Variants in CREB5 observed in about 807,000 individuals in gnomAD.
CREB5 encodes cAMP responsive element binding protein 5.
A neutral mutation model predicts 57.1 loss-of-function variants in CREB5; 19 were observed. The ratio of observed to expected loss-of-function variants is 0.33; its 90% CI spans 0.23 to 0.49. The LOEUF (loss-of-function observed/expected upper bound fraction) is 0.49, where lower values mean the gene tolerates loss of function less well. Among genes scored for constraint, CREB5 ranks in the 20% least tolerant of loss-of-function variants. The pLI, the probability that CREB5 is intolerant of heterozygous loss-of-function variation, is 0.99. For missense variants in CREB5, 579 were observed against 671.6 expected (o/e 0.86, Z 1.52); for synonymous variants, 238 against 238.3 (o/e 1.00, Z 0.01).
intron 7 of CREB5, among the ~76,000 whole-genome samples, chr7:28,737,023 G>A (rs1562606025): frequency 6.6e-6 from 1 of 151,848 alleles, no homozygotes; most frequent in Non-Finnish European, 1.5e-5. Context: ...CCAGACCTGT[G>A]GAGCAAATGC....
chr7:28,311,398 A>C (rs1317190355), intron 1 of CREB5, among the ~76,000 whole-genome samples: 1 of 152,192 alleles, frequency 6.6e-6, no homozygotes, highest in Non-Finnish European at 1.5e-5. Flanking sequence ...ACCAATGGGA[A>C]CTGAGCAGTT....
rs1261524506 is a variant in CREB5, at chr7:28,430,862, G to C, written c.3+17945G>C. 5.3e-5 allele frequency among the ~76,000 whole-genome samples: 8 copies of C among 152,306 alleles called. No individual in the cohort carries two copies. In the East Asian group the frequency reaches 7.7e-4, roughly 15 times the overall value. The stretch of plus-strand genomic sequence containing the variant: ...TCTGCTCTGGATCTGTCACAAGGCA[G>C]TGATCAAGATACCTGCCAGGGCTGT... On this transcript the variant is annotated intron_variant, in intron 1 of 10. Coordinates refer to ENST00000357727, the MANE Select transcript of CREB5 (RefSeq NM_182898.4).
At chr7:28,557,895 G>T (rs912994279) in intron 4 of CREB5, among the ~76,000 whole-genome samples, 3 of 151,998 alleles carry the variant, frequency 2.0e-5, no homozygotes, top group Admixed American at 6.6e-5. Context: ...AGCACCTTAC[G>T]GGAACTGTGA....
chr7:28,484,117 T>C (rs1197238406), intron 1 of CREB5, among the ~76,000 whole-genome samples: 1 of 152,090 alleles, frequency 6.6e-6, no homozygotes, highest in Admixed American at 6.6e-5. Context: ...CATTAAAAAA[T>C]CCAAGCCAGT....
intron 4 of CREB5, among the ~76,000 whole-genome samples, chr7:28,551,901 CTT>C (rs780773273): frequency 2.7e-4 from 32 of 119,076 alleles, no homozygotes; most frequent in Non-Finnish European, 4.0e-4. Context: ...CTTTCTTTCT[CTT>C]TTCTTTTCTT....
At position 28,330,071 on chromosome 7, in the gene CREB5, G is replaced by A. The variant is rs113098602; in HGVS notation, c.-25+30630G>A. Among the ~76,000 whole-genome samples, 1,185 of 152,298 alleles carry A rather than the reference G, an allele frequency of 7.8e-3. 18 individuals carry two copies. Among genetic ancestry groups the A allele is most frequent in the African/African-American group, 0.027 (1,131 of 41,540 alleles). ...TGCAAGGTTAGGTCCCCTGAAGGGCGAGCGTGGCCCAAGATGCCCTTGCTT... is the reference window on the plus strand; with the variant it reads ...TGCAAGGTTAGGTCCCCTGAAGGGCAAGCGTGGCCCAAGATGCCCTTGCTT... On this transcript the variant is annotated intron_variant, in intron 1 of 9. Coordinates refer to the CREB5 transcript ENST00000396299.
At chr7:28,677,344 T>C (rs1453590378) in intron 5 of CREB5, among the ~76,000 whole-genome samples, 1 of 152,172 alleles carries the variant, frequency 6.6e-6, no homozygotes, top group Non-Finnish European at 1.5e-5. Context: ...GGCCCCACCT[T>C]GACCTATATA....
intron 7 of CREB5, among the ~76,000 whole-genome samples, chr7:28,768,927 C>T (rs1399770559): frequency 6.6e-6 from 1 of 152,212 alleles, no homozygotes; most frequent in Admixed American, 6.5e-5. Flanking sequence ...CCTCAGGCAG[C>T]CCCTCGGGCA....
At chr7:28,565,893 C>G (rs924526892) in intron 4 of CREB5, among the ~76,000 whole-genome samples, 21 of 152,268 alleles carry the variant, frequency 1.4e-4, no homozygotes, top group African/African-American at 4.6e-4. Context: ...TGTACTCCAG[C>G]CTGGGTGACA....
chr7:28,482,925 A>G (rs1791391228), intron 1 of CREB5, among the ~76,000 whole-genome samples: 1 of 152,244 alleles, frequency 6.6e-6, no homozygotes, highest in Non-Finnish European at 1.5e-5. Flanking sequence ...CAAATTCCAT[A>G]TCACTGTATG....
chr7:28,415,551 T>C (rs1467890582), intron 1 of CREB5, among the ~76,000 whole-genome samples: 2 of 152,250 alleles, frequency 1.3e-5, no homozygotes, highest in Non-Finnish European at 2.9e-5. Context: ...TTCATTCTTA[T>C]ATAATATCTG....
At chr7:28,814,501 A>C (rs752310525) in intron 9 of CREB5, among the ~76,000 whole-genome samples, 1 of 152,244 alleles carries the variant, frequency 6.6e-6, no homozygotes, top group African/African-American at 2.4e-5. Flanking sequence ...AAGAGGTGCT[A>C]GAACTGGCTC....
chr7:28,442,814 C>T (rs1347818362), intron 1 of CREB5, among the ~76,000 whole-genome samples: 1 of 152,182 alleles, frequency 6.6e-6, no homozygotes, highest in African/African-American at 2.4e-5. Context: ...ATCATTGAGT[C>T]TCTTAATATT....
At chr7:28,410,472 G>A (rs1305745218), upstream of CREB5, 2 of 456,690 alleles carry the variant, frequency 4.4e-6, no homozygotes, top group East Asian at 1.4e-4. Context: ...AAGGAACCAA[G>A]GAGATGTTTT....
chr7:28,772,542 G>A (rs1021799699), intron 7 of CREB5, among the ~76,000 whole-genome samples: 10 of 152,100 alleles, frequency 6.6e-5, no homozygotes, highest in Non-Finnish European at 1.3e-4. Flanking sequence ...GAAATTGCCC[G>A]TTCATTCCAC....
intron 1 of CREB5, among the ~76,000 whole-genome samples, chr7:28,437,509 A>G (rs1180692447): frequency 2.0e-5 from 3 of 152,116 alleles, no homozygotes; most frequent in African/African-American, 7.2e-5. Flanking sequence ...ATCATCTTCT[A>G]CCAGTATTAG....
chr7:28,314,240 G>T (rs1583664637), intron 1 of CREB5, among the ~76,000 whole-genome samples: 1 of 152,190 alleles, frequency 6.6e-6, no homozygotes, highest in Non-Finnish European at 1.5e-5. Context: ...ATGATTAAAA[G>T]CACAACAGTC....
intron 5 of CREB5, among the ~76,000 whole-genome samples, chr7:28,627,136 G>C (rs2128690386): frequency 6.6e-6 from 1 of 152,356 alleles, no homozygotes; most frequent in East Asian, 1.9e-4. Flanking sequence ...TAAGATGGTG[G>C]TTCATATAAT....
intron 1 of CREB5, among the ~76,000 whole-genome samples, chr7:28,443,118 T>A (rs1338230372): frequency 6.6e-6 from 1 of 152,232 alleles, no homozygotes; most frequent in Non-Finnish European, 1.5e-5. Flanking sequence ...GTTTCATGGA[T>A]GCTGGCAGTA....
Sources: gnomAD v4.1 joint callset for allele counts (sites outside exome capture counted in the v4.1 genomes callset) on GRCh38, gnomAD v4.1.1 for gene constraint, MANE v1.5 for transcripts, NCBI Gene and HGNC (gene_info 2026-07-23, HGNC 2026-07-21) for gene names.